The following MYO9A variants were observed in gnomAD, a reference collection of about 807,000 sequenced individuals.
MYO9A encodes myosin IXA.
In MYO9A, 103 loss-of-function variants were observed where a neutral mutation model predicts 293.3. The observed-to-expected ratio is 0.35, with a 90% CI of 0.30 to 0.41. The LOEUF (loss-of-function observed/expected upper bound fraction) is 0.41. Among genes scored for constraint, MYO9A ranks in the 10% least tolerant of loss-of-function variants. MYO9A has a pLI of 1.00. For synonymous variants in MYO9A, 1,001 were observed against 1,035.7 expected (o/e 0.97, Z 0.64); for missense variants, 2,685 against 3,033.0 (o/e 0.89, Z 2.69).
chr15:72,103,417 CAGCAGAAGCAGCAGCAGCAGA>C (rs1385617555), intron 1 of MYO9A, among the ~76,000 whole-genome samples: 10 of 138,364 alleles, frequency 7.2e-5, no homozygotes, highest in East Asian at 4.3e-4. Flanking sequence ...CAGCAAGCAG[CAGCAGAAGCAGCAGCAGCAGA>C]AGCAGAAGCA....
At chr15:71,836,358 A>T (rs2054941775) in intron 39 of MYO9A, among the ~76,000 whole-genome samples, 1 of 152,174 alleles carries the variant, frequency 6.6e-6, no homozygotes, top group African/African-American at 2.4e-5. Flanking sequence ...AAATTAAGGA[A>T]TCTGGCAAAA....
At chr15:71,910,455 A>G (rs1026746502) in intron 19 of MYO9A, among the ~76,000 whole-genome samples, 52 of 152,046 alleles carry the variant, frequency 3.4e-4, no homozygotes, top group African/African-American at 1.2e-3. Context: ...TGGCTATACT[A>G]CCATTAAACT....
chr15:72,071,467 G>A (rs752863630), intron 1 of MYO9A, among the ~76,000 whole-genome samples: 2 of 152,138 alleles, frequency 1.3e-5, no homozygotes, highest in African/African-American at 2.4e-5. Flanking sequence ...AGGGTCAGGC[G>A]CAGTGGCTCA....
chr15:71,925,324 CATATATACGTATATGTA>C (rs2058278879), intron 18 of MYO9A, among the ~76,000 whole-genome samples: 2 of 23,418 alleles, frequency 8.5e-5, no homozygotes, highest in Admixed American at 5.3e-4. Flanking sequence ...CGTATATGTA[CATATATACGTATATGTA>C]CATATATACT....
At chr15:72,100,283 G>A (rs978488052) in intron 1 of MYO9A, among the ~76,000 whole-genome samples, 12 of 152,220 alleles carry the variant, frequency 7.9e-5, no homozygotes, top group African/African-American at 2.4e-4. Context: ...TTGAGAGGCC[G>A]AGGCGTGCAG....
In MYO9A at chr15:72,054,841, T is replaced by C. The variant is rs149755719; in HGVS notation, c.-71-8207A>G. Among the ~76,000 whole-genome samples the C allele has an allele frequency of 1.1e-3, 169 of 151,614 alleles. 1 individual carries two copies. Among genetic ancestry groups the C allele is most frequent in the African/African-American group, 3.9e-3 (160 of 41,320 alleles). On this transcript the variant is annotated intron_variant, in intron 1 of 41. Coordinates refer to ENST00000356056, the MANE Select transcript of MYO9A (RefSeq NM_006901.4). ...GGTCTAACTGGTAAGCCAAAGTTCC[T>C]TGGTAAGCAAGACTAAATGAGATTA...
At chr15:72,088,836 T>C (rs948621856) in intron 1 of MYO9A, among the ~76,000 whole-genome samples, 1 of 152,200 alleles carries the variant, frequency 6.6e-6, no homozygotes, top group Non-Finnish European at 1.5e-5. Flanking sequence ...AAATACTATC[T>C]AAATACAGTC....
In MYO9A at chr15:71,897,595, G is replaced by C. The variant is rs1191582641; in HGVS notation, c.4908C>G (p.Leu1636=). Reference sequence around the variant, plus strand: ...CTCTTTTTGAAATGCGATTATTTGAGAGTTTACAGGCTACATTCAGCTGGG... The same window carrying C: ...CTCTTTTTGAAATGCGATTATTTGACAGTTTACAGGCTACATTCAGCTGGG... The part of the protein sequence containing the change: ...MGTQLNVACK[L]SNNRISKREH... The change falls in exon 25 of 42, where the codon CTC becomes CTG. Residue 1636 remains leucine, a synonymous_variant. Transcript: ENST00000356056. 2 of 1,614,046 alleles carry C rather than the reference G, an allele frequency of 1.2e-6. No individual in the cohort carries two copies. The highest frequency in any genetic ancestry group is 2.7e-5 in the African/African-American group (2 of 74,900).
chr15:71,879,168 T>A (rs2056795555), intron 30 of MYO9A, among the ~76,000 whole-genome samples: 1 of 152,172 alleles, frequency 6.6e-6, no homozygotes, highest in African/African-American at 2.4e-5. Flanking sequence ...AATATGATAA[T>A]TCATAAACAC....
At chr15:71,888,633 A>G (rs1392125352) in intron 26 of MYO9A, 4 of 152,260 alleles carry the variant, frequency 2.6e-5, no homozygotes, top group Non-Finnish European at 5.9e-5. Context: ...GGTCTAAATT[A>G]TAAACAACTT....
At chr15:72,061,799 G>A (rs1460728498) in intron 1 of MYO9A, among the ~76,000 whole-genome samples, 1 of 152,154 alleles carries the variant, frequency 6.6e-6, no homozygotes, top group Non-Finnish European at 1.5e-5. Flanking sequence ...GAGCCTGTCT[G>A]AATTCACTAC....
intron 16 of MYO9A, 115 bp from the exon 17 acceptor site, chr15:71,935,599 C>T: frequency 9.4e-7 from 1 of 1,063,856 alleles, no homozygotes; most frequent in Non-Finnish European, 1.3e-6. Flanking sequence ...AAATGCTAAA[C>T]CAACCAAAAA....
intron 4 of MYO9A, among the ~76,000 whole-genome samples, chr15:72,026,728 G>A (rs1030875676): frequency 6.6e-6 from 1 of 152,094 alleles, no homozygotes; most frequent in Non-Finnish European, 1.5e-5. Flanking sequence ...GAAAGAAGCA[G>A]AGAGAATCAA....
At chr15:72,065,257 T>C (rs1457251607) in intron 1 of MYO9A, among the ~76,000 whole-genome samples, 1 of 152,124 alleles carries the variant, frequency 6.6e-6, no homozygotes, top group Non-Finnish European at 1.5e-5. Flanking sequence ...GGCTCATGCC[T>C]GTAATCCCAG....
At chr15:71,932,893 A>G (rs377742924) in intron 18 of MYO9A, among the ~76,000 whole-genome samples, 216 of 152,232 alleles carry the variant, frequency 1.4e-3, no homozygotes, top group African/African-American at 4.6e-3. Flanking sequence ...GTTTATCCAT[A>G]TTTCTGTTGA....
In MYO9A at chr15:71,991,236, G is replaced by C; in HGVS notation, c.1589C>G (p.Thr530Arg). ...NSKDLEHNTKTLSIGVLDIFG... is the reference protein window; with the variant it reads ...NSKDLEHNTKRLSIGVLDIFG... ...AATATCAAGAACACCAATAGACAAT[G>C]TCTGTAAAACAAGAGAAAGTTTTGA... The change falls in exon 11 of 42, where the codon ACA (threonine) becomes AGA (arginine). Residue 530 changes from threonine (T) to arginine (R), a missense_variant and splice_region_variant. By Grantham distance (71) the Thr-to-Arg change is moderately conservative (BLOSUM62 -1). Transcript: ENST00000356056. The C allele has an allele frequency of 6.3e-7, 1 of 1,583,546 alleles. No individual in the cohort carries two copies. Among genetic ancestry groups the C allele is most frequent in the Non-Finnish European group, 8.6e-7 (1 of 1,165,440 alleles).
intron 14 of MYO9A, among the ~76,000 whole-genome samples, chr15:71,953,264 G>A (rs1263832253): frequency 6.6e-6 from 1 of 152,146 alleles, no homozygotes; most frequent in African/African-American, 2.4e-5. Flanking sequence ...TGGATTGCTT[G>A]GAGAAAGAAT....
chr15:72,000,715 T>C (rs954816818), intron 8 of MYO9A, among the ~76,000 whole-genome samples: 22 of 152,184 alleles, frequency 1.4e-4, no homozygotes, highest in Non-Finnish European at 2.2e-4. Flanking sequence ...TCTCAATTCA[T>C]TGCAGCCTCG....
At chr15:71,842,023 TTCTC>T (rs2055184049) in intron 39 of MYO9A, among the ~76,000 whole-genome samples, 1 of 152,106 alleles carries the variant, frequency 6.6e-6, no homozygotes, top group Non-Finnish European at 1.5e-5. Flanking sequence ...AGAACTCTCT[TTCTC>T]TCTATGGAGA....
Sources: allele counts gnomAD v4.1 joint callset (sites outside exome capture counted in the v4.1 genomes callset), GRCh38; gene constraint gnomAD v4.1.1; transcripts MANE v1.5; gene names NCBI Gene and HGNC (gene_info 2026-07-23, HGNC 2026-07-21).